The following ANKS1B variants were observed in gnomAD, a reference collection of about 807,000 sequenced individuals.
ANKS1B encodes the protein ankyrin repeat and sterile alpha motif domain-containing protein 1B.
Under a neutral mutation model 148.3 loss-of-function variants are expected in ANKS1B, and 36 were observed. The ratio of observed to expected loss-of-function variants is 0.24; its 90% CI spans 0.19 to 0.32. The LOEUF is 0.32. ANKS1B is among the 10% of genes least tolerant of loss of function. The pLI is 1.00. For synonymous variants in ANKS1B, 542 were observed against 560.8 expected (o/e 0.97, Z 0.47); for missense variants, 1,157 against 1,542.6 (o/e 0.75, Z 4.19).
rs144731269 is a variant in ANKS1B at position 99,772,910 on chromosome 12, C to G, written c.1128+12G>C. On this transcript the variant is annotated intron_variant, in intron 8 of 26. Transcript: ENST00000683438. Reference sequence around the variant, plus strand: ...CAGACACATTATCTTCATTCCCCCCCGCCTTACTTACTACACTCTGGCTTC... The same window carrying G: ...CAGACACATTATCTTCATTCCCCCCGGCCTTACTTACTACACTCTGGCTTC... 1.2e-5 allele frequency: 19 copies of G among 1,605,138 alleles called. No homozygotes were observed. In the South Asian group the frequency reaches 1.8e-4, roughly 15 times the overall value.
intron 10 of ANKS1B, among the ~76,000 whole-genome samples, chr12:99,484,169 AT>A (rs202091400): frequency 0.038 from 5,708 of 152,078 alleles, 147 homozygotes; most frequent in South Asian, 0.084. Context: ...CTGTTGCTGT[AT>A]CCCAGAGAAT....
At chr12:99,606,738 T>C (rs1355253785) in intron 9 of ANKS1B, among the ~76,000 whole-genome samples, 3 of 152,130 alleles carry the variant, frequency 2.0e-5, no homozygotes, top group African/African-American at 4.8e-5. Flanking sequence ...TTTATAAACA[T>C]TTATCTCATT....
intron 8 of ANKS1B, among the ~76,000 whole-genome samples, chr12:99,750,528 C>G (rs766766305): frequency 6.1e-4 from 92 of 152,032 alleles, no homozygotes; most frequent in Non-Finnish European, 1.0e-3. Flanking sequence ...TTCTACTTAG[C>G]TTTTTAACAA....
intron 10 of ANKS1B, among the ~76,000 whole-genome samples, chr12:99,467,914 T>C (rs1436244426): frequency 6.6e-6 from 1 of 152,152 alleles, no homozygotes; most frequent in Non-Finnish European, 1.5e-5. Flanking sequence ...CCAATGACTT[T>C]CTTCACATAA....
rs1207838601 is a variant in ANKS1B at position 98,801,595 on chromosome 12, T to C, written c.3142-470A>G. ...GAATAATTTTAGATCTCTGGAGAAA[T>C]GGTAGTGTAAGCATGATGCTAAACA... is the stretch of plus-strand genomic sequence containing the variant. On this transcript the variant is annotated intron_variant, in intron 20 of 26. Coordinates refer to ENST00000683438, the MANE Select transcript of ANKS1B (RefSeq NM_001352186.2). This position sits in a 1 kb window ranked among gnomAD's most constrained non-coding sequence, Gnocchi z 5.2. 7.9e-5 allele frequency among the ~76,000 whole-genome samples: 12 copies of C among 152,280 alleles called. No homozygotes were observed. Among genetic ancestry groups the C allele is most frequent in the Non-Finnish European group, 1.8e-4 (12 of 68,004 alleles).
At chr12:99,650,488 G>A (rs1446811737) in intron 9 of ANKS1B, among the ~76,000 whole-genome samples, 1 of 152,044 alleles carries the variant, frequency 6.6e-6, no homozygotes, top group African/African-American at 2.4e-5. Context: ...TTCCAGAAAG[G>A]GCTTAATTTT....
intron 17 of ANKS1B, among the ~76,000 whole-genome samples, chr12:98,881,053 T>A (rs1455855071): frequency 1.3e-5 from 2 of 152,176 alleles, no homozygotes; most frequent in Admixed American, 6.5e-5. Flanking sequence ...GTATATTTTT[T>A]AAAAATTAGG....
At chr12:99,912,439 C>T (rs2153788238) in intron 1 of ANKS1B, among the ~76,000 whole-genome samples, 1 of 152,122 alleles carries the variant, frequency 6.6e-6, no homozygotes, top group East Asian at 1.9e-4. Context: ...GCAACCTCTG[C>T]CTCCCGGGTT....
At chr12:99,281,093 G>A (rs534602162) in intron 12 of ANKS1B, among the ~76,000 whole-genome samples, 1 of 152,026 alleles carries the variant, frequency 6.6e-6, no homozygotes, top group Non-Finnish European at 1.5e-5. Context: ...TGAACCTAGG[G>A]AAAGGTGGGG....
At chr12:99,907,812 TAAAAAAAAAAAAAAA>T (rs751468199) in intron 1 of ANKS1B, among the ~76,000 whole-genome samples, 8 of 100,158 alleles carry the variant, frequency 8.0e-5, no homozygotes, top group Non-Finnish European at 1.4e-4. Flanking sequence ...GAGAAATTCT[TAAAAAAAAAAAAAAA>T]AAAAAAAAAA....
intron 8 of ANKS1B, among the ~76,000 whole-genome samples, chr12:99,700,052 T>G (rs2153518743): frequency 6.6e-6 from 1 of 152,312 alleles, no homozygotes; most frequent in Middle Eastern, 3.4e-3. Context: ...AATTCATGCT[T>G]AATTTTTTAA....
At chr12:99,825,491 T>C (rs1317123656) in intron 1 of ANKS1B, 102 bp from the exon 2 acceptor site, 2 of 818,308 alleles carry the variant, frequency 2.4e-6, no homozygotes, top group South Asian at 3.4e-5. Flanking sequence ...AGGTTGTAGA[T>C]AAAAATTTTA....
At chr12:99,802,371 T>C (rs903319622) in intron 4 of ANKS1B, among the ~76,000 whole-genome samples, 4 of 152,106 alleles carry the variant, frequency 2.6e-5, no homozygotes, top group African/African-American at 7.2e-5. Context: ...TCAAAATTCA[T>C]AAAAATAATT....
intron 9 of ANKS1B, among the ~76,000 whole-genome samples, chr12:98,737,847 G>A (rs1038471069): frequency 6.6e-6 from 1 of 152,136 alleles, no homozygotes; most frequent in African/African-American, 2.4e-5. Context: ...CAGCAAGTAT[G>A]GCCATCTATT....
intron 8 of ANKS1B, among the ~76,000 whole-genome samples, chr12:99,680,028 G>T (rs573694932): frequency 6.6e-6 from 1 of 152,310 alleles, no homozygotes; most frequent in Admixed American, 6.5e-5. Context: ...GTGTGAAAGG[G>T]GAAAATCTGC....
At chr12:99,104,636 C>T (rs948563645) in intron 15 of ANKS1B, 1 of 152,146 alleles carries the variant, frequency 6.6e-6, no homozygotes, top group African/African-American at 2.4e-5. Flanking sequence ...CAAATAAATC[C>T]TTGTGGAATT....
At chr12:99,815,517 G>A (rs2068991427) in intron 2 of ANKS1B, among the ~76,000 whole-genome samples, 1 of 151,150 alleles carries the variant, frequency 6.6e-6, no homozygotes, top group South Asian at 2.1e-4. Flanking sequence ...TAGTTTTTGG[G>A]ACACAGGTGG....
intron 9 of ANKS1B, among the ~76,000 whole-genome samples, chr12:99,531,748 A>G (rs11109902): frequency 0.15 from 22,284 of 152,160 alleles, 1,773 homozygotes; most frequent in Non-Finnish European, 0.17. Flanking sequence ...TAGATGGTAG[A>G]TGTGCTTTTA....
At chr12:99,824,618 G>A (rs2082937884) in intron 2 of ANKS1B, among the ~76,000 whole-genome samples, 1 of 151,912 alleles carries the variant, frequency 6.6e-6, no homozygotes, top group Non-Finnish European at 1.5e-5. Context: ...TTTTTTTTCT[G>A]TAGGGGAGGA....
Sources: gnomAD v4.1 joint callset for allele counts (sites outside exome capture counted in the v4.1 genomes callset) on GRCh38, gnomAD v4.1.1 for gene constraint, Gnocchi (gnomAD v3.1) non-coding constraint, MANE v1.5 for transcripts, NCBI Gene and HGNC (gene_info 2026-07-23, HGNC 2026-07-21) for gene names.